Variants in SEMA3A observed in about 807,000 individuals in gnomAD.
The protein encoded by SEMA3A is semaphorin-3A.
Under a neutral mutation model 97.9 loss-of-function variants are expected in SEMA3A, and 29 were observed. That is an observed-to-expected ratio of 0.30 (90% CI 0.22 to 0.40). The LOEUF is 0.40. SEMA3A is among the 10% of genes least tolerant of loss of function. The probability of loss-of-function intolerance (pLI) is 1.00; values close to 1 mark genes in which losing one functional copy is unlikely to be tolerated. For synonymous variants in SEMA3A, 321 were observed against 323.7 expected (o/e 0.99, Z 0.09); for missense variants, 763 against 951.3 (o/e 0.80, Z 2.60).
chr7:84,348,233 C>T (rs1802350774), intron 2 of SEMA3A, among the ~76,000 whole-genome samples: 1 of 152,004 alleles, frequency 6.6e-6, no homozygotes, highest in Non-Finnish European at 1.5e-5. Context: ...AAATAAATAA[C>T]ATTTATAGGA....
At chr7:84,324,449 T>C (rs1801726076) in intron 2 of SEMA3A, among the ~76,000 whole-genome samples, 1 of 152,166 alleles carries the variant, frequency 6.6e-6, no homozygotes. Context: ...TTCCATCTCA[T>C]AGTTATCTGC....
intron 1 of SEMA3A, among the ~76,000 whole-genome samples, chr7:84,166,901 A>G (rs75441291): frequency 2.2e-5 from 3 of 134,782 alleles, no homozygotes; most frequent in Non-Finnish European, 4.9e-5. Context: ...AAAAAAAAAA[A>G]AGAAGCTGAG....
At chr7:84,371,705 A>T (rs1256569410) in intron 2 of SEMA3A, 1 of 151,964 alleles carries the variant, frequency 6.6e-6, no homozygotes, top group Non-Finnish European at 1.5e-5. Context: ...TTTTGAAGAC[A>T]TTGGCTTTAA....
intron 11 of SEMA3A, 77 bp downstream of exon 11, chr7:84,005,262 G>A: frequency 1.8e-6 from 2 of 1,083,838 alleles, no homozygotes; most frequent in Admixed American, 1.7e-5. Flanking sequence ...CCCAACCCCT[G>A]AGATGTTCAA....
intron 2 of SEMA3A, among the ~76,000 whole-genome samples, chr7:84,318,072 G>C (rs1278835987): frequency 6.6e-6 from 1 of 151,764 alleles, no homozygotes; most frequent in Non-Finnish European, 1.5e-5. Context: ...CAAATTCTTA[G>C]GCAGTTAGTA....
At chr7:84,207,916 T>A (rs1798528390) in intron 3 of SEMA3A, among the ~76,000 whole-genome samples, 1 of 152,148 alleles carries the variant, frequency 6.6e-6, no homozygotes, top group Admixed American at 6.5e-5. Flanking sequence ...TGCAGTTATG[T>A]GGAGGTTTTT....
intron 2 of SEMA3A, among the ~76,000 whole-genome samples, chr7:84,353,436 C>T (rs1020193309): frequency 6.6e-6 from 1 of 151,220 alleles, no homozygotes; most frequent in African/African-American, 2.4e-5. Flanking sequence ...CTCAGAATAT[C>T]CTGAAATAAA....
chr7:84,412,822 C>G (rs1345648713), intron 1 of SEMA3A, among the ~76,000 whole-genome samples: 2 of 152,110 alleles, frequency 1.3e-5, no homozygotes, highest in African/African-American at 4.8e-5. Flanking sequence ...AACGACACTT[C>G]TCCCAGCTAT....
chr7:84,257,828 G>A (rs1799752318), intron 3 of SEMA3A, among the ~76,000 whole-genome samples: 1 of 152,160 alleles, frequency 6.6e-6, no homozygotes, highest in Admixed American at 6.5e-5. Flanking sequence ...TGGTTTAGAT[G>A]AAATGAATAT....
At chr7:83,964,896 G>A (rs141137347) in intron 15 of SEMA3A, among the ~76,000 whole-genome samples, 1 of 152,016 alleles carries the variant, frequency 6.6e-6, no homozygotes, top group East Asian at 1.9e-4. Flanking sequence ...TGAATTGAAT[G>A]CATATGGAAC....
intron 2 of SEMA3A, among the ~76,000 whole-genome samples, chr7:84,308,904 G>A (rs909115486): frequency 6.7e-6 from 1 of 149,434 alleles, no homozygotes; most frequent in Non-Finnish European, 1.5e-5. Context: ...TGCAATCTCC[G>A]CCTCCCGGGT....
intron 6 of SEMA3A, among the ~76,000 whole-genome samples, chr7:84,041,356 G>A (rs1027797251): frequency 2.0e-5 from 3 of 151,978 alleles, no homozygotes; most frequent in Non-Finnish European, 2.9e-5. Flanking sequence ...TATTTAGAGA[G>A]TAGAATAATT....
intron 1 of SEMA3A, among the ~76,000 whole-genome samples, chr7:84,413,021 A>AT (rs5885413): frequency 0.11 from 17,022 of 152,110 alleles, 1,197 homozygotes; most frequent in East Asian, 0.28. Context: ...TTACTTTTCT[A>AT]TTTTTGGAAG....
At chr7:84,354,080 G>C (rs934672137) in intron 2 of SEMA3A, among the ~76,000 whole-genome samples, 3 of 151,670 alleles carry the variant, frequency 2.0e-5, no homozygotes, top group Admixed American at 2.0e-4. Context: ...TGAAAGTAAA[G>C]TTTCATCAAA....
intron 16 of SEMA3A, 108 bp downstream of exon 16, chr7:83,963,097 G>A: frequency 8.4e-7 from 1 of 1,185,084 alleles, no homozygotes; most frequent in Non-Finnish European, 1.2e-6. Context: ...TGGTTCAGAA[G>A]AGGATAAGCA....
chr7:84,460,375 G>C (rs1019206822), intron 1 of SEMA3A, among the ~76,000 whole-genome samples: 1 of 151,334 alleles, frequency 6.6e-6, no homozygotes, highest in African/African-American at 2.4e-5. Context: ...AATGAATCAC[G>C]TGGAGCTATA....
At position 84,249,120 on chromosome 7, in the gene SEMA3A, C is replaced by A. The variant is rs554030378; in HGVS notation, c.-82-54452G>T. Among the ~76,000 whole-genome samples, 5 of 152,298 alleles carry A rather than the reference C, an allele frequency of 3.3e-5. No homozygotes were observed. In the South Asian group the frequency reaches 1.0e-3, roughly 32 times the overall value. On this transcript the variant is annotated intron_variant, in intron 3 of 3. Coordinates refer to the SEMA3A transcript ENST00000424555. ...CTCTGCTGGATTGCCAGTCCTCTGG[C>A]TCCTCAAGTGAGCCATGTTCCTGCC... is the stretch of plus-strand genomic sequence containing the variant.
At chr7:84,231,745 G>A (rs547574484) in intron 3 of SEMA3A, among the ~76,000 whole-genome samples, 1 of 145,260 alleles carries the variant, frequency 6.9e-6, no homozygotes. Flanking sequence ...ACATCCTTTG[G>A]CTGATCTTTA....
chr7:84,213,165 T>C (rs7780987), intron 3 of SEMA3A, among the ~76,000 whole-genome samples: 111,393 of 152,006 alleles, frequency 0.73, 41,606 homozygotes, highest in African/African-American at 0.87. Context: ...TTAGTAGAGA[T>C]GGTGTTTCTC....
Sources: gnomAD v4.1 joint callset for allele counts (sites outside exome capture counted in the v4.1 genomes callset) on GRCh38, gnomAD v4.1.1 for gene constraint, MANE v1.5 for transcripts, NCBI Gene and HGNC (gene_info 2026-07-23, HGNC 2026-07-21) for gene names.